ULK1: variants seen among roughly 807,000 people sequenced by gnomAD.
ULK1 encodes serine/threonine-protein kinase ULK1.
A neutral mutation model predicts 117.5 loss-of-function variants in ULK1; 48 were observed. That is an observed-to-expected ratio of 0.41 (90% confidence interval 0.32 to 0.52). The LOEUF is 0.52. Ranked by LOEUF, ULK1 falls within the 20% of genes least tolerant of loss-of-function variation. The pLI is 0.29. For missense variants in ULK1, 1,387 were observed against 1,473.4 expected (o/e 0.94, Z 0.96); for synonymous variants, 790 against 637.8 (o/e 1.24, Z -3.60).
intron 3 of ULK1, among the ~76,000 whole-genome samples, chr12:131,904,438 G>C (rs750612633): frequency 1.3e-5 from 2 of 152,188 alleles, no homozygotes; most frequent in Non-Finnish European, 2.9e-5. Flanking sequence ...ATGAGCCACC[G>C]TACCCGGCCA....
chr12:131,920,160 G>C (rs955664756), intron 26 of ULK1, 24 bp downstream of exon 26: 1 of 1,603,196 alleles, frequency 6.2e-7, no homozygotes, highest in African/African-American at 1.3e-5. Context: ...AGACACCAGT[G>C]GGGCAGGGGC....
intron 13 of ULK1, 136 bp from the exon 14 acceptor site, chr12:131,913,062 C>A (rs890561804): frequency 2.1e-5 from 16 of 761,416 alleles, no homozygotes; most frequent in Non-Finnish European, 3.1e-5. Flanking sequence ...GGCTCTGCCC[C>A]CCGCAAGGCC....
Position 131,914,494 on chromosome 12 carries a change from C to A in ULK1, c.1373+17C>A. The A allele has an allele frequency of 1.2e-6, 2 of 1,607,328 alleles. No homozygotes were observed. Among genetic ancestry groups the A allele is most frequent in the Non-Finnish European group, 1.7e-6 (2 of 1,176,110 alleles). The stretch of plus-strand genomic sequence containing the variant: ...AACACCTCGGTGAGTGTGGAGCCCC[C>A]AGGTAGCCAGGCGTGGCTGGGGCCT... On this transcript the variant is annotated intron_variant, in intron 16 of 27. Coordinates refer to ENST00000321867, the MANE Select transcript of ULK1 (RefSeq NM_003565.4).
Position 131,914,583 on chromosome 12 carries a change from T to G in ULK1, c.1373+106T>G, listed in dbSNP as rs1462773382. ...CAGGGTCGTCATCCATGTGCAGTTG[T>G]GCAGGCTGCGCACTGCGTAACTCAG... On this transcript the variant is annotated intron_variant, in intron 16 of 27. Transcript: ENST00000321867. The G allele has an allele frequency of 4.2e-6, 6 of 1,438,218 alleles. No homozygotes were observed. The Admixed American group carries it at 1.4e-4, about 33-fold the overall frequency. 89.1% of individuals were successfully genotyped at this position (1,438,218 alleles called of 1,614,324 possible).
rs1197178894 is a variant in ULK1, at chr12:131,921,722, G to A, written c.*361G>A. 1 of 599,510 alleles carries A rather than the reference G, an allele frequency of 1.7e-6. No individual in the cohort carries two copies. The allele number at this position is 599,510 out of a possible 1,614,324, so 37.1% of individuals were successfully genotyped here. A position where few individuals can be genotyped will look rare whatever the true frequency, so the allele number is the denominator to read the frequency against. On this transcript the variant is annotated 3_prime_UTR_variant, in exon 28 of 28. Transcript: ENST00000321867. ...CGACTCAAAGCCAAAGCGAGCTCCT[G>A]CTTAGGGAAGGTCAGCAGGCACTGT...
rs775389902 is a variant in ULK1 at position 131,919,607 on chromosome 12, C to T, written c.2803+17C>T. On this transcript the variant is annotated intron_variant, in intron 25 of 27. Coordinates refer to ENST00000321867, the MANE Select transcript of ULK1 (RefSeq NM_003565.4). Reference sequence around the variant, plus strand: ...TGAAGCAGGGTGAGGGCTGCGACCGCTCAGCCCACATGCCGGGTTGGGGAG... The same window carrying T: ...TGAAGCAGGGTGAGGGCTGCGACCGTTCAGCCCACATGCCGGGTTGGGGAG... The T allele has an allele frequency of 1.9e-6, 3 of 1,608,982 alleles. No homozygotes were observed. The South Asian group carries it at 3.3e-5, about 18-fold the overall frequency.
In ULK1 at chr12:131,919,329, C is replaced by A; in HGVS notation, c.2629C>A (p.Gln877Lys). Residue 877 changes from glutamine (Q) to lysine (K), a missense_variant, in exon 24 of 28, where the codon CAG (glutamine) becomes AAG (lysine). Around this residue, in one of 4 missense-constraint regions of ULK1, gnomAD observed 900 missense variants for 858.9 expected, o/e 1.05. Coordinates refer to ENST00000321867, the MANE Select transcript of ULK1 (RefSeq NM_003565.4). ...ASEAAGGPEY[Q>K]LQESVVADQI... Reference sequence around the variant, plus strand: ...TGAGGCGGCGGGGGGCCCTGAGTACCAGCTGCAGGAGAGTGTGGTGGCCGA... The same window carrying A: ...TGAGGCGGCGGGGGGCCCTGAGTACAAGCTGCAGGAGAGTGTGGTGGCCGA... The A allele has an allele frequency of 6.3e-7, 1 of 1,582,946 alleles. No homozygotes were observed. Among genetic ancestry groups the A allele is most frequent in the South Asian group, 1.1e-5 (1 of 88,320 alleles).
intron 3 of ULK1, among the ~76,000 whole-genome samples, chr12:131,901,754 G>A (rs1889099457): frequency 6.6e-6 from 1 of 152,130 alleles, no homozygotes; most frequent in African/African-American, 2.4e-5. Flanking sequence ...CTGGGGGTCA[G>A]GTCTCAGCCA....
At chr12:131,915,798 T>G in intron 18 of ULK1, 93 bp from the exon 19 acceptor site, 1 of 1,526,204 alleles carries the variant, frequency 6.6e-7, no homozygotes. Flanking sequence ...GGCCTTGGAG[T>G]GCGTCTACCC....
rs145693422 is a variant in ULK1, at chr12:131,919,310, G to A, written c.2610G>A (p.Ala870=). 2.4e-4 allele frequency: 381 copies of A among 1,591,524 alleles called. 1 individual carries two copies. The African/African-American group carries it at 4.4e-3, about 19-fold the overall frequency. ...IAALKGSASE[A]AGGPEYQLQE... is the part of the protein sequence containing the mutation. ...CCCTGAAGGGCAGCGCCAGTGAGGCGGCGGGGGGCCCTGAGTACCAGCTGC... is the reference window on the plus strand; with the variant it reads ...CCCTGAAGGGCAGCGCCAGTGAGGCAGCGGGGGGCCCTGAGTACCAGCTGC... Residue 870 remains alanine, a synonymous_variant, in exon 24 of 28, where the codon GCG becomes GCA. Coordinates refer to ENST00000321867, the MANE Select transcript of ULK1 (RefSeq NM_003565.4).
chr12:131,901,337 T>C (rs1293861227), intron 3 of ULK1, among the ~76,000 whole-genome samples: 1 of 147,404 alleles, frequency 6.8e-6, no homozygotes, highest in Non-Finnish European at 1.5e-5. Flanking sequence ...CCAGCCTGGG[T>C]GACAGCGAGA....
chr12:131,895,742 C>T (rs1566111377), intron 2 of ULK1, 41 bp from the exon 3 acceptor site: 3 of 1,613,610 alleles, frequency 1.9e-6, no homozygotes, highest in Middle Eastern at 1.6e-4. Context: ...TGGGCAAGCC[C>T]CCCTCCCCAC....
intron 5 of ULK1, 26 bp downstream of exon 5, chr12:131,907,557 G>A (rs1167409001): frequency 6.2e-7 from 1 of 1,603,010 alleles, no homozygotes; most frequent in Non-Finnish European, 8.5e-7. Context: ...CGCCACCTGG[G>A]CTGCCAGCCG....
At chr12:131,905,070 C>T (rs543497382) in intron 3 of ULK1, among the ~76,000 whole-genome samples, 1 of 152,134 alleles carries the variant, frequency 6.6e-6, no homozygotes, top group Non-Finnish European at 1.5e-5. Flanking sequence ...CTGAGGCCTG[C>T]CTCATGGATA....
Position 131,894,855 on chromosome 12 carries a change from G to A in ULK1, c.-147G>A, listed in dbSNP as rs1888793159. On this transcript the variant is annotated 5_prime_UTR_variant, in exon 1 of 28. Transcript: ENST00000321867. Reference sequence around the variant, plus strand: ...ACCCGGCCCCGGCCTGCCCGATGGGGCGCGCGGCCCCGGAGATGCGCCCTC... The same window carrying A: ...ACCCGGCCCCGGCCTGCCCGATGGGACGCGCGGCCCCGGAGATGCGCCCTC... 1 of 172,394 alleles carries A rather than the reference G, an allele frequency of 5.8e-6. No homozygotes were observed. Among genetic ancestry groups the A allele is most frequent in the African/African-American group, 2.5e-5 (1 of 40,566 alleles). 10.7% of individuals were successfully genotyped at this position (172,394 alleles called of 1,614,324 possible). A position where few individuals can be genotyped will look rare whatever the true frequency, so the allele number is the denominator to read the frequency against.
chr12:131,909,333 A>G, intron 8 of ULK1, 96 bp downstream of exon 8: 2 of 1,352,602 alleles, frequency 1.5e-6, no homozygotes, highest in Non-Finnish European at 2.0e-6. Context: ...CCCGCGCCCC[A>G]CGAGCTCCCC....
At chr12:131,919,858 G>C (rs1302883555) in intron 25 of ULK1, 121 bp from the exon 26 acceptor site, 21 of 1,418,372 alleles carry the variant, frequency 1.5e-5, no homozygotes, top group Non-Finnish European at 1.9e-5. Context: ...AGGCCACGGG[G>C]AGCCAGGGCT....
In ULK1 at chr12:131,920,077, C is replaced by G; in HGVS notation, c.2902C>G (p.Leu968Val). ...QRFFLDKQRL[L>V]DRIHSITAER... ...CTTCTTCCTGGACAAGCAGCGGCTC[C>G]TGGACCGCATTCACAGCATCACTGC... Residue 968 changes from leucine to valine, a missense_variant, in exon 26 of 28, where the codon CTG (leucine) becomes GTG (valine). Transcript: ENST00000321867. 1 of 1,612,840 alleles carries G rather than the reference C, an allele frequency of 6.2e-7. No homozygotes were observed. Among genetic ancestry groups the G allele is most frequent in the South Asian group, 1.1e-5 (1 of 91,088 alleles).
chr12:131,915,556 C>T, intron 18 of ULK1, 135 bp downstream of exon 18: 1 of 1,116,124 alleles, frequency 9.0e-7, no homozygotes, highest in Non-Finnish European at 1.3e-6. Context: ...AGCCAACTGC[C>T]TCTCCACCTC....
Sources: gnomAD v4.1 joint callset for allele counts (sites outside exome capture counted in the v4.1 genomes callset) on GRCh38, gnomAD v4.1.1 for gene constraint, gnomAD v4.1.1 regional missense constraint, MANE v1.5 for transcripts, NCBI Gene and HGNC (gene_info 2026-07-23, HGNC 2026-07-21) for gene names.